The following AKR7A3 variants were observed in gnomAD, a reference collection of about 807,000 sequenced individuals.
AKR7A3 encodes the protein AFB1 aldehyde reductase 2.
In AKR7A3, 37 loss-of-function variants were observed where a neutral mutation model predicts 32.5. That is an observed-to-expected ratio of 1.14 (90% CI 0.88 to 1.50). The LOEUF is 1.50. Among genes scored for constraint, AKR7A3 ranks in the 40% most tolerant of loss-of-function variants. AKR7A3 has a pLI of 0.00. For synonymous variants in AKR7A3, 177 were observed against 188.4 expected, an observed-to-expected ratio of 0.94 and a Z score of 0.50; for missense variants, 412 against 453.2, an observed-to-expected ratio of 0.91 and a Z score of 0.83.
chr1:19,281,547 A>C (rs1012738577), downstream of AKR7A3, among the ~76,000 whole-genome samples: 7 of 151,812 alleles, frequency 4.6e-5, no homozygotes, highest in Non-Finnish European at 1.5e-5. Context: ...TGGCAGGAGA[A>C]TCACTTGAAC....
chr1:19,288,146 T>G (rs1368175353), intron 1 of AKR7A3, among the ~76,000 whole-genome samples: 1 of 152,044 alleles, frequency 6.6e-6, no homozygotes, highest in Non-Finnish European at 1.5e-5. Context: ...AGGGCACAGG[T>G]GGGGACAGGA....
At chr1:19,280,325 C>T (rs565019523), downstream of AKR7A3, among the ~76,000 whole-genome samples, 56 of 150,556 alleles carry the variant, frequency 3.7e-4, no homozygotes, top group South Asian at 9.4e-3. Flanking sequence ...CTCGCTGCAA[C>T]CTCTGCCTCC....
At position 19,285,880 on chromosome 1, in the gene AKR7A3, G is replaced by A. The variant is rs1004468098; in HGVS notation, c.507+8C>T. 29 of 1,613,480 alleles carry A rather than the reference G, an allele frequency of 1.8e-5. No individual in the cohort carries two copies. The highest frequency in any genetic ancestry group is 2.4e-5 in the Non-Finnish European group (28 of 1,179,854). On this transcript the variant is annotated splice_region_variant and intron_variant, in intron 3 of 6. Coordinates refer to ENST00000361640, the MANE Select transcript of AKR7A3 (RefSeq NM_012067.3). Reference sequence around the variant, plus strand: ...GGAGACCTTGGCCTCTGCAGCCCTGGCTCTCACCTGGTACACAGTGGGCAG... The same window carrying A: ...GGAGACCTTGGCCTCTGCAGCCCTGACTCTCACCTGGTACACAGTGGGCAG...
downstream of AKR7A3, among the ~76,000 whole-genome samples, chr1:19,281,942 T>C (rs1015635122): frequency 2.6e-5 from 4 of 151,932 alleles, 1 homozygote; most frequent in African/African-American, 9.7e-5. Context: ...ACCACCACTG[T>C]ATCGTGGAAG....
At chr1:19,287,410 G>A (rs1220336246) in intron 1 of AKR7A3, among the ~76,000 whole-genome samples, 3 of 151,728 alleles carry the variant, frequency 2.0e-5, no homozygotes, top group Admixed American at 2.0e-4. Context: ...GGCCAGGTTC[G>A]TTCTGGATCT....
In AKR7A3 at chr1:19,284,096, A is replaced by G; in HGVS notation, c.734T>C (p.Ile245Thr). The change falls in exon 6 of 7, where the codon ATT (isoleucine) becomes ACT (threonine). Residue 245 changes from isoleucine (I) to threonine (T), a missense_variant. Coordinates refer to ENST00000361640, the MANE Select transcript of AKR7A3 (RefSeq NM_012067.3). ...CTGCAGGGCCTTCTCCACCAGGGCA[A>G]TGCCCTCAAAGTGGTGCTCCTTCCA... Reference protein sequence around the residue: ...RYWKEHHFEGIALVEKALQAA... With the variant: ...RYWKEHHFEGTALVEKALQAA... 6.2e-7 allele frequency: 1 copy of G among 1,613,508 alleles called. No homozygotes were observed. The highest frequency in any genetic ancestry group is 8.5e-7 in the Non-Finnish European group (1 of 1,179,780).
chr1:19,275,266 C>A, the AKR7A3 span, among the ~76,000 whole-genome samples: 1 of 151,406 alleles, frequency 6.6e-6, no homozygotes, highest in Non-Finnish European at 1.5e-5. Flanking sequence ...ACAAAATTAG[C>A]CAGGTGGGGT....
At position 19,286,207 on chromosome 1, in the gene AKR7A3, G is replaced by A; in HGVS notation, c.380C>T (p.Ala127Val). ...CACCTCCTGGTGCAGCTGGTGGCAGGCACGCAGTGTCTCTTCCACCGGGGT... is the reference window on the plus strand; with the variant it reads ...CACCTCCTGGTGCAGCTGGTGGCAGACACGCAGTGTCTCTTCCACCGGGGT... ...HSTPVEETLRACHQLHQEGKF... is the reference protein window; with the variant it reads ...HSTPVEETLRVCHQLHQEGKF... The change falls in exon 2 of 7, where the codon GCC becomes GTC. Residue 127 changes from alanine to valine, a missense_variant. Ala to Val is a moderately conservative substitution (Grantham distance 64). Transcript: ENST00000361640. The A allele has an allele frequency of 1.2e-6, 2 of 1,612,900 alleles. No individual in the cohort carries two copies. The highest frequency in any genetic ancestry group is 1.9e-4 in the Middle Eastern group (1 of 5,278).
intron 3 of AKR7A3, 151 bp from the exon 4 acceptor site, chr1:19,285,265 A>G (rs79752186): frequency 0.034 from 26,071 of 757,304 alleles, 582 homozygotes; most frequent in South Asian, 0.055. Flanking sequence ...CTGGTGAAAG[A>G]AGCTTATGCC....
chr1:19,280,286 C>T (rs1474270649), downstream of AKR7A3, among the ~76,000 whole-genome samples: 5 of 151,674 alleles, frequency 3.3e-5, no homozygotes, highest in African/African-American at 7.3e-5. Context: ...CTCTGTCACC[C>T]GGGCTGGAGT....
intron 4 of AKR7A3, 104 bp downstream of exon 4, chr1:19,284,914 C>G: frequency 1.3e-6 from 2 of 1,582,030 alleles, no homozygotes; most frequent in Non-Finnish European, 1.7e-6. Flanking sequence ...CGTCTTTGAC[C>G]TCAGAGGTCA....
chr1:19,286,274 G>T lies in AKR7A3; in HGVS notation c.313C>A (p.Pro105Thr), dbSNP rs770365535. Residue 105 changes from proline to threonine, a missense_variant, in exon 2 of 7, where the codon CCC becomes ACC. By Grantham distance (38) the Pro-to-Thr change is conservative (BLOSUM62 -1). Coordinates refer to ENST00000361640, the MANE Select transcript of AKR7A3 (RefSeq NM_012067.3). ...TGCAGGTAGAAGAGGTCCACTCGGG[G>T]ACACTGCAGCCGCTTCAGTGACGTC... ...LETSLKRLQC[P>T]RVDLFYLHMP... is the part of the protein sequence containing the mutation. 2.5e-6 allele frequency: 4 copies of T among 1,613,912 alleles called. No individual in the cohort carries two copies. The South Asian group carries it at 4.4e-5, about 18-fold the overall frequency.
chr1:19,284,543 TGGAG>T, intron 5 of AKR7A3, 139 bp downstream of exon 5: 1 of 930,000 alleles, frequency 1.1e-6, no homozygotes, highest in Non-Finnish European at 1.7e-6. Context: ...AGAAAACCGA[TGGAG>T]GGTTTGGAAA....
In AKR7A3 at chr1:19,288,505, C is replaced by T. The variant is rs1307097099; in HGVS notation, c.205G>A (p.Asp69Asn). Residue 69 changes from aspartate (D) to asparagine (N), a missense_variant, in exon 1 of 7, where the codon GAC becomes AAC. By Grantham distance (23) the Asp-to-Asn change is conservative. Transcript: ENST00000361640. ...GGLGLRLGGS[D>N]CRVKIDTKAI... ...CAGGGGCCACTGTTACCTCTGCAGT[C>T]GCTGCCGCCCAGCCGGAGCCCCAGG... The T allele has an allele frequency of 3.7e-6, 6 of 1,610,634 alleles. No homozygotes were observed. The highest frequency in any genetic ancestry group is 2.2e-5 in the South Asian group (2 of 90,830).
chr1:19,280,800 G>T (rs1289170997), downstream of AKR7A3, among the ~76,000 whole-genome samples: 1 of 151,748 alleles, frequency 6.6e-6, no homozygotes, highest in Non-Finnish European at 1.5e-5. Flanking sequence ...GCGATCTCCT[G>T]ACCTCATGAT....
downstream of AKR7A3, among the ~76,000 whole-genome samples, chr1:19,278,538 G>A (rs954513550): frequency 6.6e-6 from 1 of 151,596 alleles, no homozygotes; most frequent in African/African-American, 2.4e-5. Flanking sequence ...TCCAGCCTGG[G>A]CCACAGAGTG....
downstream of AKR7A3, among the ~76,000 whole-genome samples, chr1:19,279,776 ATT>A (rs1482644355): frequency 6.6e-6 from 1 of 151,828 alleles, no homozygotes; most frequent in Admixed American, 6.6e-5. Context: ...CATTATTGAT[ATT>A]GTTATTGTTG....
chr1:19,285,786 T>C, intron 3 of AKR7A3, 102 bp downstream of exon 3: 2 of 1,422,132 alleles, frequency 1.4e-6, no homozygotes, highest in Non-Finnish European at 2.0e-6. Context: ...AGCAGGGGAG[T>C]GGCTGCTATG....
chr1:19,288,062 T>C lies in AKR7A3; in HGVS notation c.214+434A>G, dbSNP rs1206650942. 2.6e-5 allele frequency among the ~76,000 whole-genome samples: 4 copies of C among 152,226 alleles called. No individual in the cohort carries two copies. In the East Asian group the frequency reaches 7.8e-4, roughly 30 times the overall value. Reference sequence around the variant, plus strand: ...ATAGTGTGCTGGGTCCAAACTCTGATTTTGGACTGTGCCAGGGAGTGCCAG... The same window carrying C: ...ATAGTGTGCTGGGTCCAAACTCTGACTTTGGACTGTGCCAGGGAGTGCCAG... On this transcript the variant is annotated intron_variant, in intron 1 of 6. Coordinates refer to ENST00000361640, the MANE Select transcript of AKR7A3 (RefSeq NM_012067.3).
Sources: allele counts gnomAD v4.1 joint callset (sites outside exome capture counted in the v4.1 genomes callset), GRCh38; gene constraint gnomAD v4.1.1; transcripts MANE v1.5; gene names NCBI Gene and HGNC (gene_info 2026-07-23, HGNC 2026-07-21).